SLC22A25: variants seen among roughly 807,000 people sequenced by gnomAD.
The protein encoded by SLC22A25 is MGI:2442751, MGI:2385316, MGI:3042283, MGI:3645714, MGI:3605624, MGI:2442750.
A neutral mutation model predicts 45.9 loss-of-function variants in SLC22A25; 44 were observed. That is an observed-to-expected ratio of 0.96 (90% CI 0.75 to 1.23). SLC22A25 has a LOEUF of 1.23. Ranked by LOEUF, SLC22A25 falls within the 50% of genes most tolerant of loss-of-function variation. The probability of loss-of-function intolerance (pLI) is 0.00; values close to 1 mark genes in which losing one functional copy is unlikely to be tolerated. For synonymous variants in SLC22A25, 283 were observed against 238.6 expected, an observed-to-expected ratio of 1.19 and a Z score of -1.72; for missense variants, 800 against 666.4, an observed-to-expected ratio of 1.20 and a Z score of -2.21.
At chr11:63,180,569 A>G in intron 9 of SLC22A25, 91 bp downstream of exon 9, 1 of 883,434 alleles carries the variant, frequency 1.1e-6, no homozygotes, top group South Asian at 1.9e-5. Flanking sequence ...TCCCCCAAAT[A>G]TTTTCCTTCA....
At chr11:63,191,314 G>C (rs2088805763) in intron 7 of SLC22A25, among the ~76,000 whole-genome samples, 2 of 152,222 alleles carry the variant, frequency 1.3e-5, no homozygotes, top group South Asian at 2.1e-4. Flanking sequence ...CTAGCAATGA[G>C]TGAGGCTCTG....
chr11:63,183,413 T>C (rs2088400283), intron 8 of SLC22A25, among the ~76,000 whole-genome samples: 2 of 152,104 alleles, frequency 1.3e-5, no homozygotes, highest in Non-Finnish European at 2.9e-5. Context: ...TAGGTTACTT[T>C]CTATTATGGA....
chr11:63,199,823 A>C (rs1368928871), intron 7 of SLC22A25, among the ~76,000 whole-genome samples: 2 of 110,710 alleles, frequency 1.8e-5, no homozygotes, highest in Admixed American at 9.1e-5. Flanking sequence ...TTGTAACCTC[A>C]TATATTCAGC....
At chr11:63,221,748 G>C (rs1193733) in intron 5 of SLC22A25, among the ~76,000 whole-genome samples, 74,248 of 151,936 alleles carry the variant, frequency 0.49, 19,073 homozygotes, top group Non-Finnish European at 0.57. Context: ...TCTTGCATTA[G>C]TTTCATAGTT....
At chr11:63,173,583 A>G (rs969597459) in intron 9 of SLC22A25, among the ~76,000 whole-genome samples, 1 of 152,110 alleles carries the variant, frequency 6.6e-6, no homozygotes, top group African/African-American at 2.4e-5. Flanking sequence ...CCAGAGAGAA[A>G]AACTTGGAGC....
intron 5 of SLC22A25, 32 bp from the exon 6 acceptor site, chr11:63,217,767 A>G (rs1265280116): frequency 6.3e-7 from 1 of 1,576,554 alleles, no homozygotes; most frequent in East Asian, 2.2e-5. Flanking sequence ...GATAATGGGA[A>G]CAATAACAAC....
chr11:63,242,890 C>T (rs956848345), intron 1 of SLC22A25, among the ~76,000 whole-genome samples: 22 of 152,112 alleles, frequency 1.4e-4, no homozygotes, highest in African/African-American at 5.3e-4. Flanking sequence ...CTCTGCTCGC[C>T]CACTGCCCAA....
intron 7 of SLC22A25, among the ~76,000 whole-genome samples, chr11:63,186,737 G>A (rs2088566375): frequency 6.6e-6 from 1 of 152,096 alleles, no homozygotes; most frequent in Non-Finnish European, 1.5e-5. Flanking sequence ...TGTAAGGAAG[G>A]GATCCAGTTT....
chr11:63,211,578 C>T (rs1217511448), intron 7 of SLC22A25, among the ~76,000 whole-genome samples: 3 of 152,158 alleles, frequency 2.0e-5, no homozygotes, highest in Admixed American at 1.3e-4. Flanking sequence ...AAGAATTCTC[C>T]TACCATTTTT....
intron 9 of SLC22A25, among the ~76,000 whole-genome samples, chr11:63,175,712 T>C (rs913461363): frequency 2.0e-5 from 3 of 152,056 alleles, no homozygotes; most frequent in Non-Finnish European, 4.4e-5. Context: ...TGTTTTCTTC[T>C]AGGATTTTGA....
chr11:63,205,716 AC>A (rs2089382907), intron 7 of SLC22A25, among the ~76,000 whole-genome samples: 1 of 152,176 alleles, frequency 6.6e-6, no homozygotes, highest in Non-Finnish European at 1.5e-5. Flanking sequence ...GCCGAATTCT[AC>A]CAGAGGTACA....
In SLC22A25 at chr11:63,238,939, A is replaced by G. The variant is rs188854640; in HGVS notation, c.-799T>C. On this transcript the variant is annotated 5_prime_UTR_variant, in exon 2 of 12. Coordinates refer to ENST00000306494, the MANE Select transcript of SLC22A25 (RefSeq NM_199352.6). ...GCTGAGGATCACAGTTTCTTCGTCC[A>G]AGACGATGACATTGTCTATGATGTG... is the stretch of plus-strand genomic sequence containing the variant. 1,285 of 196,134 alleles carry G rather than the reference A, an allele frequency of 6.6e-3. 3 individuals carry two copies. The highest frequency in any genetic ancestry group is 8.7e-3 in the Non-Finnish European group (768 of 88,344). 12.1% of individuals were successfully genotyped at this position (196,134 alleles called of 1,614,324 possible). A position where few individuals can be genotyped will look rare whatever the true frequency, so the allele number is the denominator to read the frequency against.
chr11:63,177,863 TAA>T (rs1565070734), intron 9 of SLC22A25, among the ~76,000 whole-genome samples: 1 of 2,026 alleles, frequency 4.9e-4, no homozygotes, highest in Non-Finnish European at 1.4e-3. Context: ...TGTATATATA[TAA>T]TATATATAAT....
chr11:63,221,828 A>G (rs556730364), intron 5 of SLC22A25, among the ~76,000 whole-genome samples: 13 of 152,198 alleles, frequency 8.5e-5, no homozygotes, highest in African/African-American at 2.9e-4. Flanking sequence ...ATAGGGGTCT[A>G]ATTTTATTCT....
intron 5 of SLC22A25, among the ~76,000 whole-genome samples, chr11:63,221,643 A>G (rs975973594): frequency 3.3e-5 from 5 of 151,874 alleles, no homozygotes; most frequent in Non-Finnish European, 7.4e-5. Context: ...ATATGATCCA[A>G]TTTCTCCATT....
intron 5 of SLC22A25, among the ~76,000 whole-genome samples, chr11:63,226,462 C>T (rs544089004): frequency 6.6e-6 from 1 of 152,150 alleles, no homozygotes; most frequent in Non-Finnish European, 1.5e-5. Context: ...GGCAGAGACT[C>T]TTGTTTTTTT....
chr11:63,170,803 A>T (rs1156318704), intron 9 of SLC22A25, among the ~76,000 whole-genome samples: 1 of 152,158 alleles, frequency 6.6e-6, no homozygotes, highest in Non-Finnish European at 1.5e-5. Context: ...ACTCCTCCCT[A>T]ACATATTTTA....
intron 7 of SLC22A25, among the ~76,000 whole-genome samples, chr11:63,200,808 G>C (rs1458596444): frequency 6.6e-6 from 1 of 152,132 alleles, no homozygotes; most frequent in Non-Finnish European, 1.5e-5. Context: ...CTTCAGCAAA[G>C]TCTCAGGGTA....
At position 63,164,071 on chromosome 11, in the gene SLC22A25, C is replaced by A. The variant is rs2134703256; in HGVS notation, c.1397G>T (p.Gly466Val). 6.4e-7 allele frequency: 1 copy of A among 1,574,626 alleles called. No individual in the cohort carries two copies. The highest frequency in any genetic ancestry group is 2.3e-5 in the East Asian group (1 of 44,444). Residue 466 changes from glycine to valine, a missense_variant and splice_region_variant, in exon 12 of 12, where the codon GGA becomes GTA. By Grantham distance (109) the Gly-to-Val change is moderately radical (BLOSUM62 -3). Transcript: ENST00000306494. ...ENELIPSIIR[G>V]RATGITGNFA... ...GTTTCCAGTGATTCCAGTAGCTCTT[C>A]CCCTTGGAGTAAAAACAGCAACAGA...
Sources: gnomAD v4.1 joint callset for allele counts (sites outside exome capture counted in the v4.1 genomes callset) on GRCh38, gnomAD v4.1.1 for gene constraint, MANE v1.5 for transcripts, NCBI Gene and HGNC (gene_info 2026-07-23, HGNC 2026-07-21) for gene names.